Variants in ZMYM3 observed in about 807,000 individuals in gnomAD.
ZMYM3 encodes the protein zinc finger MYM-type protein 3.
A neutral mutation model predicts 94.2 loss-of-function variants in ZMYM3; 6 were observed. The ratio of observed to expected loss-of-function variants is 0.06; its 90% CI spans 0.03 to 0.13. ZMYM3 has a LOEUF of 0.13. Ranked by LOEUF, ZMYM3 falls within the 10% of genes least tolerant of loss-of-function variation. The pLI, the probability that ZMYM3 is intolerant of heterozygous loss-of-function variation, is 1.00. For missense variants in ZMYM3, 664 were observed against 1,132.6 expected (o/e 0.59, Z 5.94); for synonymous variants, 420 against 426.5 (o/e 0.98, Z 0.19).
At chrX:71,247,705 C>A in intron 12 of ZMYM3, 29 bp downstream of exon 12, 1 of 1,196,717 alleles carries the variant, frequency 8.4e-7, no homozygotes. Context: ...CCCTCTTTCC[C>A]GCCTCGCTCG....
chrX:71,243,154 G>A, intron 21 of ZMYM3, 70 bp from the exon 22 acceptor site: 1 of 899,390 alleles, frequency 1.1e-6, no homozygotes, highest in Admixed American at 2.4e-5. Flanking sequence ...TGATGCTGAA[G>A]CCCCCAGGTA....
chrX:71,245,127 T>TAAAA (rs5902685), intron 18 of ZMYM3, among the ~76,000 whole-genome samples: 7 of 42,617 alleles, frequency 1.6e-4, no homozygotes, highest in Non-Finnish European at 2.6e-4. Flanking sequence ...GCTTAAAAAT[T>TAAAA]AAAAAAAAAA....
intron 6 of ZMYM3, 124 bp from the exon 7 acceptor site, chrX:71,249,803 C>T: frequency 1.8e-6 from 2 of 1,102,986 alleles, no homozygotes; most frequent in Non-Finnish European, 2.4e-6. Flanking sequence ...GACCCCCCAA[C>T]CTGCGCCGCA....
At chrX:71,242,747 G>A (rs907259805) in intron 22 of ZMYM3, among the ~76,000 whole-genome samples, 2 of 111,453 alleles carry the variant, frequency 1.8e-5, no homozygotes, top group African/African-American at 6.5e-5. Context: ...TCTTTTTCTG[G>A]TCCTAGAGAT....
In ZMYM3 at chrX:71,240,165, CAG is replaced by C. The variant is rs776502365; in HGVS notation, c.*749_*750del. 5 of 111,929 alleles carry C rather than the reference CAG, an allele frequency of 4.5e-5. No individual in the cohort carries two copies. Among genetic ancestry groups the C allele is most frequent in the Non-Finnish European group, 9.4e-5 (5 of 53,134 alleles). 9.2% of individuals were successfully genotyped at this position (111,929 alleles called of 1,213,427 possible). On this transcript the variant is annotated 3_prime_UTR_variant, in exon 25 of 25. Transcript: ENST00000314425. ...CATGGCTCATGGCAACCTAAGATGG[CAG>C]AGAGACAAACACAGAAACCAAGGGG...
At chrX:71,248,997 G>A (rs1348691024) in intron 8 of ZMYM3, 22 bp downstream of exon 8, 7 of 1,210,196 alleles carry the variant, frequency 5.8e-6, no homozygotes, top group Non-Finnish European at 7.8e-6. Context: ...AGGGGACTCA[G>A]AGAAGAGGGC....
At chrX:71,255,084 ATCTCTCTCTCTCTCTCTCTCTCTCTC>A (rs61261611), upstream of ZMYM3, 730 of 20,816 alleles carry the variant, frequency 0.035, 13 homozygotes, top group African/African-American at 0.053. Context: ...ACCAGGGCTG[ATCTCTCTCTCTCTCTCTCTCTCTCTC>A]TCTCTCTCTC....
At chrX:71,244,280 C>G (rs748385875) in intron 20 of ZMYM3, 22 bp downstream of exon 20, 1 of 1,201,499 alleles carries the variant, frequency 8.3e-7, no homozygotes, top group Middle Eastern at 2.3e-4. Context: ...CCTCCCCACA[C>G]CCCCCATCCC....
At position 71,251,573 on chromosome X, in the gene ZMYM3, C is replaced by T. The variant is rs2030477330; in HGVS notation, c.696G>A (p.Glu232=). The change falls in exon 3 of 25, where the codon GAG becomes GAA. Residue 232 remains glutamate (E), a synonymous_variant. Coordinates refer to ENST00000314425, the MANE Select transcript of ZMYM3 (RefSeq NM_201599.3). ...PGDGLTAKAS[E]KPPERKRSER... ...TCCCCCTCACCCGTTCAGGCGGCTT[C>T]TCACTCGCCTTCGCAGTCAGGCCAT... The T allele has an allele frequency of 8.4e-7, 1 of 1,193,751 alleles. No homozygotes were observed. Among genetic ancestry groups the T allele is most frequent in the Non-Finnish European group, 1.1e-6 (1 of 886,576 alleles).
In ZMYM3 at chrX:71,253,215, G is replaced by T; in HGVS notation, c.41C>A (p.Thr14Asn). Residue 14 changes from threonine to asparagine, a missense_variant, in exon 2 of 25, where the codon ACC (threonine) becomes AAC (asparagine). Thr to Asn is a moderately conservative substitution (Grantham distance 65). This residue lies in a region of ZMYM3 where 196 missense variants were observed against 190.8 expected (regional missense o/e 1.03). Coordinates refer to ENST00000314425, the MANE Select transcript of ZMYM3 (RefSeq NM_201599.3). Reference protein sequence around the residue: ...SDFPSPFDPLTLPEKPLAGDL... With the variant: ...SDFPSPFDPLNLPEKPLAGDL... The stretch of plus-strand genomic sequence containing the variant: ...TCCAGCCAGGGGCTTCTCTGGCAGG[G>T]TCAATGGGTCAAATGGACTGGGGAA... The T allele has an allele frequency of 8.5e-7, 1 of 1,182,722 alleles. No individual in the cohort carries two copies. The highest frequency in any genetic ancestry group is 1.1e-6 in the Non-Finnish European group (1 of 881,222).
chrX:71,247,925 GAA>G lies in ZMYM3; in HGVS notation c.1976-21_1976-20del. The G allele has an allele frequency of 8.5e-7, 1 of 1,173,164 alleles. No individual in the cohort carries two copies. Reference sequence around the variant, plus strand: ...ACACAGCCTGGAAAGAGGAGAAGAGGAAAGAGAGTCCAGAGACACAGATACCC... The same window carrying G: ...ACACAGCCTGGAAAGAGGAGAAGAGGAGAGAGTCCAGAGACACAGATACCC... On this transcript the variant is annotated intron_variant, in intron 11 of 24. Coordinates refer to ENST00000314425, the MANE Select transcript of ZMYM3 (RefSeq NM_201599.3).
In ZMYM3 at chrX:71,240,299, G is replaced by A. The variant is rs1283028450; in HGVS notation, c.*617C>T. The A allele has an allele frequency of 8.9e-6, 1 of 112,056 alleles. No homozygotes were observed. The allele number at this position is 112,056 out of a possible 1,213,427, so 9.2% of individuals were successfully genotyped here. On this transcript the variant is annotated 3_prime_UTR_variant, in exon 25 of 25. Coordinates refer to ENST00000314425, the MANE Select transcript of ZMYM3 (RefSeq NM_201599.3). ...TTAAAAACGGCAGCACCAAGGATTG[G>A]TGCTTGCCGAGGGGGTGAGGGATAT...
At position 71,252,884 on chromosome X, in the gene ZMYM3, T is replaced by C; in HGVS notation, c.372A>G (p.Val124=). 1 of 1,210,247 alleles carries C rather than the reference T, an allele frequency of 8.3e-7. No individual in the cohort carries two copies. The highest frequency in any genetic ancestry group is 1.1e-6 in the Non-Finnish European group (1 of 894,731). ...TTGCCCCAGCCCCTGGATCAGGTGG[T>C]ACCACCTCAGGGGTCTGGCCCCCTG... ...PGPGGQTPEV[V]PPDPGAGANS... Residue 124 remains valine, a synonymous_variant, in exon 2 of 25, where the codon GTA becomes GTG. Transcript: ENST00000314425.
intron 21 of ZMYM3, 22 bp from the exon 22 acceptor site, chrX:71,243,106 C>A (rs2030016261): frequency 8.8e-7 from 1 of 1,138,854 alleles, no homozygotes; most frequent in Non-Finnish European, 1.2e-6. Context: ...AAAACAGACA[C>A]ACCTAAGGCT....
intron 5 of ZMYM3, 43 bp from the exon 6 acceptor site, chrX:71,250,246 T>A: frequency 8.9e-7 from 1 of 1,127,672 alleles, no homozygotes; most frequent in Non-Finnish European, 1.2e-6. Context: ...AAGACCACCC[T>A]CTCATTTCCT....
At chrX:71,251,056 AC>A (rs2030441574) in intron 4 of ZMYM3, 121 bp downstream of exon 4, 4 of 726,319 alleles carry the variant, frequency 5.5e-6, no homozygotes, top group Non-Finnish European at 6.3e-6. Context: ...AGAGACAGGC[AC>A]TTCATGCGCT....
rs1364697482 is a variant in ZMYM3, at chrX:71,247,950, C to T, written c.1976-44G>A. On this transcript the variant is annotated intron_variant, in intron 11 of 24. Coordinates refer to ENST00000314425, the MANE Select transcript of ZMYM3 (RefSeq NM_201599.3). ...GAAAGAGAGTCCAGAGACACAGATACCCAAGGGCAAGAGACCCAACCTTTT... is the reference window on the plus strand; with the variant it reads ...GAAAGAGAGTCCAGAGACACAGATATCCAAGGGCAAGAGACCCAACCTTTT... 3 of 1,144,873 alleles carry T rather than the reference C, an allele frequency of 2.6e-6. No individual in the cohort carries two copies. The African/African-American group carries it at 5.4e-5, about 21-fold the overall frequency. The allele number at this position is 1,144,873 out of a possible 1,213,427, so 94.4% of individuals were successfully genotyped here. A position where few individuals can be genotyped will look rare whatever the true frequency, so the allele number is the denominator to read the frequency against.
rs182743226 is a variant in ZMYM3 at position 71,243,216 on chromosome X, G to A, written c.3433-132C>T. ...TGGGAAACAGTTGCTTGATTAGGTG[G>A]CCTCGAGTGCTTTCCCCCAGGTATA... On this transcript the variant is annotated intron_variant, in intron 21 of 24. Coordinates refer to ENST00000314425, the MANE Select transcript of ZMYM3 (RefSeq NM_201599.3). The A allele has an allele frequency of 6.2e-4, 324 of 522,147 alleles. No individual in the cohort carries two copies. The African/African-American group carries it at 7.0e-3, about 11-fold the overall frequency. The allele number at this position is 522,147 out of a possible 1,213,427, so 43.0% of individuals were successfully genotyped here.
At position 71,248,151 on chromosome X, in the gene ZMYM3, C is replaced by T; in HGVS notation, c.1975+11G>A. On this transcript the variant is annotated intron_variant, in intron 11 of 24. Coordinates refer to ENST00000314425, the MANE Select transcript of ZMYM3 (RefSeq NM_201599.3). ...AGTTATAGTGTCTTCTGCCCTTCCC[C>T]ATCTCCTTACCTTCGCTGCAGAAGC... 3 of 1,210,188 alleles carry T rather than the reference C, an allele frequency of 2.5e-6. No individual in the cohort carries two copies. Among genetic ancestry groups the T allele is most frequent in the Non-Finnish European group, 3.4e-6 (3 of 894,792 alleles).
Sources: gnomAD v4.1 joint callset for allele counts (sites outside exome capture counted in the v4.1 genomes callset) on GRCh38, gnomAD v4.1.1 for gene constraint, gnomAD v4.1.1 regional missense constraint, MANE v1.5 for transcripts, NCBI Gene and HGNC (gene_info 2026-07-23, HGNC 2026-07-21) for gene names.